GRB14: variants seen among roughly 807,000 people sequenced by gnomAD.
GRB14 encodes growth factor receptor bound protein 14, also known as growth factor receptor-bound protein 14.
In GRB14, 38 loss-of-function variants were observed where a neutral mutation model predicts 69.1. The ratio of observed to expected loss-of-function variants is 0.55; its 90% CI spans 0.42 to 0.72. The LOEUF is 0.72. Among genes scored for constraint, GRB14 ranks in the 30% least tolerant of loss-of-function variants. The pLI, the probability that GRB14 is intolerant of heterozygous loss-of-function variation, is 0.00. For synonymous variants in GRB14, 247 were observed against 241.3 expected (o/e 1.02, Z -0.22); for missense variants, 666 against 666.1 (o/e 1.00, Z 0.00).
intron 2 of GRB14, among the ~76,000 whole-genome samples, chr2:164,611,706 T>C (rs1459044123): frequency 6.6e-6 from 1 of 151,874 alleles, no homozygotes; most frequent in Non-Finnish European, 1.5e-5. Context: ...CTTCTTCTAA[T>C]ATTTGAACTA....
In GRB14 at chr2:164,504,371, T is replaced by C. The variant is rs117501153; in HGVS notation, c.1024-2036A>G. 1.0e-3 allele frequency among the ~76,000 whole-genome samples: 152 copies of C among 151,912 alleles called. 1 individual carries two copies. The East Asian group carries it at 0.024, about 24-fold the overall frequency. ...CAGTAGACAACAAAAGAAAACAAAG[T>C]AGGTGTTAAAGACACTTCTACCATC... On this transcript the variant is annotated intron_variant, in intron 8 of 13. Coordinates refer to ENST00000263915, the MANE Select transcript of GRB14 (RefSeq NM_004490.3).
At chr2:164,519,584 T>C (rs149631146) in intron 6 of GRB14, among the ~76,000 whole-genome samples, 16 of 152,246 alleles carry the variant, frequency 1.1e-4, no homozygotes, top group African/African-American at 3.1e-4. Flanking sequence ...CGTTTACAGA[T>C]GATATGATCG....
chr2:164,507,239 A>C (rs1489681893), intron 8 of GRB14, among the ~76,000 whole-genome samples: 1 of 152,174 alleles, frequency 6.6e-6, no homozygotes, highest in East Asian at 1.9e-4. Flanking sequence ...AACAGAGAGC[A>C]GAAGAGGTAA....
chr2:164,588,421 GGCTATGCTGTTTCT>G (rs1186027993), intron 2 of GRB14, among the ~76,000 whole-genome samples: 1 of 152,132 alleles, frequency 6.6e-6, no homozygotes, highest in Non-Finnish European at 1.5e-5. Context: ...CCATCTGGTA[GGCTATGCTGTTTCT>G]GCCAGTGGTC....
At position 164,615,088 on chromosome 2, in the gene GRB14, C is replaced by G. The variant is rs78191591; in HGVS notation, c.324+4599G>C. 8.5e-5 allele frequency among the ~76,000 whole-genome samples: 13 copies of G among 152,222 alleles called. No homozygotes were observed. The East Asian group carries it at 2.1e-3, about 25-fold the overall frequency. ...ACAGGACACATTGAGACATGATACT[C>G]TTTTTGATCTCCCTTTATTTAAACT... is the stretch of plus-strand genomic sequence containing the variant. On this transcript the variant is annotated intron_variant, in intron 2 of 13. Transcript: ENST00000263915.
At chr2:164,531,315 T>C (rs1490911779) in intron 3 of GRB14, among the ~76,000 whole-genome samples, 1 of 152,234 alleles carries the variant, frequency 6.6e-6, no homozygotes, top group Non-Finnish European at 1.5e-5. Context: ...CATTATTAAA[T>C]GCACTATGTG....
chr2:164,527,282 T>C (rs1465051121), intron 3 of GRB14, 147 bp from the exon 4 acceptor site: 1 of 217,202 alleles, frequency 4.6e-6, no homozygotes, highest in Non-Finnish European at 8.5e-6. Flanking sequence ...ACATAGCAGA[T>C]TTCAACTTAA....
rs573676133 is a variant in GRB14 at position 164,498,654 on chromosome 2, G to A, written c.1105-1164C>T. Among the ~76,000 whole-genome samples the A allele has an allele frequency of 1.1e-4, 16 of 152,240 alleles. No homozygotes were observed. In the South Asian group the frequency reaches 3.1e-3, roughly 30 times the overall value. Reference sequence around the variant, plus strand: ...AACTACTAGCCAGCCTGCATCTGGGGCCCCCTGGCTTAAAAGCATTTTATC... The same window carrying A: ...AACTACTAGCCAGCCTGCATCTGGGACCCCCTGGCTTAAAAGCATTTTATC... On this transcript the variant is annotated intron_variant, in intron 9 of 13. Transcript: ENST00000263915.
intron 8 of GRB14, among the ~76,000 whole-genome samples, chr2:164,507,758 G>GATAATTGTT (rs71018331): frequency 0.34 from 51,805 of 151,618 alleles, 10,301 homozygotes; most frequent in African/African-American, 0.55. Context: ...GGAAATAGTT[G>GATAATTGTT]ATAAGTATAC....
intron 8 of GRB14, among the ~76,000 whole-genome samples, chr2:164,505,966 G>A (rs1687177959): frequency 6.6e-6 from 1 of 152,096 alleles, no homozygotes; most frequent in African/African-American, 2.4e-5. Context: ...TTCTGTTTTG[G>A]GTGTCAAACT....
chr2:164,548,564 G>T (rs916492017), intron 2 of GRB14, among the ~76,000 whole-genome samples: 4 of 152,090 alleles, frequency 2.6e-5, no homozygotes, highest in Non-Finnish European at 5.9e-5. Flanking sequence ...ACTCCTTTGG[G>T]TATATATCCA....
chr2:164,607,068 T>C (rs1558881604), intron 2 of GRB14, among the ~76,000 whole-genome samples: 1 of 152,202 alleles, frequency 6.6e-6, no homozygotes, highest in Non-Finnish European at 1.5e-5. Flanking sequence ...TAGAATGTGC[T>C]TATAGTGGTA....
At chr2:164,501,928 A>G (rs916498379) in intron 9 of GRB14, among the ~76,000 whole-genome samples, 1 of 151,990 alleles carries the variant, frequency 6.6e-6, no homozygotes, top group Admixed American at 6.6e-5. Flanking sequence ...ATGTTCTATA[A>G]ATTATATTTT....
chr2:164,496,989 T>C lies in GRB14; in HGVS notation c.1382+19A>G. 6.3e-7 allele frequency: 1 copy of C among 1,597,630 alleles called. No individual in the cohort carries two copies. Among genetic ancestry groups the C allele is most frequent in the South Asian group, 1.1e-5 (1 of 90,726 alleles). ...AAATCCAATTCACAAGTACTCAAAA[T>C]TAAAAATACCAAACTTACCCATCCA... On this transcript the variant is annotated intron_variant, in intron 12 of 13. Coordinates refer to ENST00000263915, the MANE Select transcript of GRB14 (RefSeq NM_004490.3).
chr2:164,613,104 C>A (rs1329381865), intron 2 of GRB14, among the ~76,000 whole-genome samples: 1 of 152,112 alleles, frequency 6.6e-6, no homozygotes, highest in Non-Finnish European at 1.5e-5. Context: ...TGAAGGGTGA[C>A]ATCAACTGAA....
At chr2:164,595,224 T>C (rs1043003724) in intron 2 of GRB14, among the ~76,000 whole-genome samples, 1 of 152,236 alleles carries the variant, frequency 6.6e-6, no homozygotes, top group Non-Finnish European at 1.5e-5. Flanking sequence ...TTGGTAAGCC[T>C]ACTCATGCTT....
intron 3 of GRB14, among the ~76,000 whole-genome samples, chr2:164,543,852 T>A (rs944759970): frequency 5.9e-5 from 9 of 152,220 alleles, no homozygotes; most frequent in Non-Finnish European, 1.2e-4. Context: ...AAAAAACATT[T>A]TAAAGACAAA....
At chr2:164,595,172 A>G (rs1468409906) in intron 2 of GRB14, among the ~76,000 whole-genome samples, 1 of 152,218 alleles carries the variant, frequency 6.6e-6, no homozygotes, top group East Asian at 1.9e-4. Flanking sequence ...TTTGCAATAA[A>G]CCAATGTTTA....
chr2:164,586,132 C>T (rs1012136561), intron 2 of GRB14, among the ~76,000 whole-genome samples: 1 of 151,960 alleles, frequency 6.6e-6, no homozygotes, highest in African/African-American at 2.4e-5. Flanking sequence ...TGAAGTTGAA[C>T]CTTAAAAGAG....
Sources: gnomAD v4.1 joint callset for allele counts (sites outside exome capture counted in the v4.1 genomes callset) on GRCh38, gnomAD v4.1.1 for gene constraint, MANE v1.5 for transcripts, NCBI Gene and HGNC (gene_info 2026-07-23, HGNC 2026-07-21) for gene names.